SCHIP1: variants seen among roughly 807,000 people sequenced by gnomAD.
SCHIP1 encodes schwannomin-interacting protein 1.
A neutral mutation model predicts 29.7 loss-of-function variants in SCHIP1; 8 were observed. That is an observed-to-expected ratio of 0.27 (90% CI 0.16 to 0.49). SCHIP1 has a LOEUF of 0.49. Ranked by LOEUF, SCHIP1 falls within the 20% of genes least tolerant of loss-of-function variation. SCHIP1 has a pLI of 0.99. For missense variants in SCHIP1, 193 were observed against 294.6 expected, an observed-to-expected ratio of 0.66 and a Z score of 2.52; for synonymous variants, 76 against 94.9, an observed-to-expected ratio of 0.80 and a Z score of 1.16.
At chr3:159,614,623 AC>A in the SCHIP1 span, among the ~76,000 whole-genome samples, 1 of 152,142 alleles carries the variant, frequency 6.6e-6, no homozygotes. Flanking sequence ...ACCTATCTCA[AC>A]CCTTCTCAAT....
At chr3:159,334,704 T>C in the SCHIP1 span, among the ~76,000 whole-genome samples, 1 of 152,172 alleles carries the variant, frequency 6.6e-6, no homozygotes, top group Non-Finnish European at 1.5e-5. Flanking sequence ...TTCACATTGT[T>C]GCATACACCA....
the SCHIP1 span, among the ~76,000 whole-genome samples, chr3:159,480,893 G>A: frequency 6.6e-6 from 1 of 152,252 alleles, no homozygotes; most frequent in Admixed American, 6.5e-5. Context: ...TCCGAAAAGA[G>A]GGTCAGCGAA....
At chr3:159,502,765 C>T in the SCHIP1 span, among the ~76,000 whole-genome samples, 1 of 151,972 alleles carries the variant, frequency 6.6e-6, no homozygotes, top group Non-Finnish European at 1.5e-5. Flanking sequence ...GGTACACAAG[C>T]CTGAAATGTG....
the SCHIP1 span, among the ~76,000 whole-genome samples, chr3:159,310,893 G>C: frequency 6.6e-6 from 1 of 152,094 alleles, no homozygotes; most frequent in East Asian, 1.9e-4. Context: ...GATAAGATTT[G>C]CATGCCGGAA....
At chr3:159,882,481 T>G (rs1217105502) in intron 2 of SCHIP1, among the ~76,000 whole-genome samples, 1 of 152,104 alleles carries the variant, frequency 6.6e-6, no homozygotes, top group Non-Finnish European at 1.5e-5. Flanking sequence ...AGTTCCAGGC[T>G]TCAGAGCTGG....
chr3:159,315,197 C>CT, the SCHIP1 span, among the ~76,000 whole-genome samples: 218 of 91,044 alleles, frequency 2.4e-3, 3 homozygotes, highest in African/African-American at 5.0e-3. Flanking sequence ...TTTAGGACTT[C>CT]TTTTTTTTTT....
chr3:159,707,818 T>G, the SCHIP1 span, among the ~76,000 whole-genome samples: 1 of 152,182 alleles, frequency 6.6e-6, no homozygotes, highest in Non-Finnish European at 1.5e-5. Context: ...AATTTTCAGT[T>G]CATCAAAGTG....
At chr3:159,565,686 C>A in the SCHIP1 span, among the ~76,000 whole-genome samples, 1 of 152,196 alleles carries the variant, frequency 6.6e-6, no homozygotes, top group South Asian at 2.1e-4. Flanking sequence ...GTGGAATATG[C>A]AGGCCTCTGC....
chr3:159,569,398 A>G, the SCHIP1 span, among the ~76,000 whole-genome samples: 2,151 of 152,140 alleles, frequency 0.014, 54 homozygotes, highest in African/African-American at 0.048. Flanking sequence ...ATTCCCACCT[A>G]TATGTGAGAA....
At chr3:159,287,410 T>C in the SCHIP1 span, among the ~76,000 whole-genome samples, 1 of 152,020 alleles carries the variant, frequency 6.6e-6, no homozygotes, top group African/African-American at 2.4e-5. Context: ...CTGGGCTGGG[T>C]ATAAAACTGT....
At chr3:159,696,026 A>C in the SCHIP1 span, among the ~76,000 whole-genome samples, 22 of 152,114 alleles carry the variant, frequency 1.4e-4, no homozygotes, top group Non-Finnish European at 2.6e-4. Flanking sequence ...CCATCACCAA[A>C]CATCACATTG....
chr3:159,592,715 T>C, the SCHIP1 span, among the ~76,000 whole-genome samples: 10 of 152,116 alleles, frequency 6.6e-5, no homozygotes, highest in Non-Finnish European at 1.5e-4. Context: ...TTTGTTCATA[T>C]AACACTGTGT....
At chr3:159,318,703 A>G in the SCHIP1 span, among the ~76,000 whole-genome samples, 4 of 152,298 alleles carry the variant, frequency 2.6e-5, no homozygotes, top group South Asian at 8.3e-4. Flanking sequence ...CATTTGAGCC[A>G]CTTCCTCATG....
Position 159,885,134 on chromosome 3 carries a change from G to GA in SCHIP1, c.150-1069dup, listed in dbSNP as rs1716838368. 2.6e-5 allele frequency among the ~76,000 whole-genome samples: 4 copies of GA among 152,278 alleles called. No individual in the cohort carries two copies. The South Asian group carries it at 8.3e-4, about 32-fold the overall frequency. ...ACAAAGCATTCCTACCATTGGAATT[G>GA]AAAAGTCAAATCTCAGGTAAGTTGT... On this transcript the variant is annotated intron_variant, in intron 2 of 6. Transcript: ENST00000445224.
the SCHIP1 span, among the ~76,000 whole-genome samples, chr3:159,582,400 C>G: frequency 5.3e-5 from 8 of 152,016 alleles, no homozygotes; most frequent in African/African-American, 1.7e-4. Context: ...TTCCTGGACT[C>G]AAGTGATCCT....
chr3:159,434,689 A>G, the SCHIP1 span, among the ~76,000 whole-genome samples: 1 of 152,176 alleles, frequency 6.6e-6, no homozygotes, highest in Non-Finnish European at 1.5e-5. Flanking sequence ...ATCATCTAAG[A>G]TGGGATCACA....
chr3:159,387,437 C>T, the SCHIP1 span: 1 of 277,502 alleles, frequency 3.6e-6, no homozygotes, highest in Non-Finnish European at 7.1e-6. Flanking sequence ...CTCTGTCTTG[C>T]TTCTGTGAGC....
the SCHIP1 span, among the ~76,000 whole-genome samples, chr3:159,386,020 T>G: frequency 6.6e-6 from 1 of 152,232 alleles, no homozygotes. Context: ...GCAAAGTACA[T>G]GAACTCATCC....
the SCHIP1 span, among the ~76,000 whole-genome samples, chr3:159,508,451 T>C: frequency 6.6e-6 from 1 of 152,244 alleles, no homozygotes; most frequent in African/African-American, 2.4e-5. Context: ...AAGGGTTTTT[T>C]GGTGTCTCTA....
Sources: allele counts gnomAD v4.1 joint callset (sites outside exome capture counted in the v4.1 genomes callset), GRCh38; gene constraint gnomAD v4.1.1; transcripts MANE v1.5; gene names NCBI Gene and HGNC (gene_info 2026-07-23, HGNC 2026-07-21).